Variants in ZMYM1 observed in about 807,000 individuals in gnomAD.
The protein encoded by ZMYM1 is zinc finger MYM-type containing 1, also known as zinc finger MYM-type protein 1.
ZMYM1 carries 39 observed loss-of-function variants against 60.0 expected under a neutral mutation model. The ratio of observed to expected loss-of-function variants is 0.65; its 90% CI spans 0.50 to 0.85. The LOEUF (loss-of-function observed/expected upper bound fraction) is 0.85. ZMYM1 is among the 40% of genes least tolerant of loss of function. The pLI is 0.00. For missense variants in ZMYM1, 1,171 were observed against 1,309.5 expected, an observed-to-expected ratio of 0.89 and a Z score of 1.63; for synonymous variants, 413 against 454.0, an observed-to-expected ratio of 0.91 and a Z score of 1.15.
intron 1 of ZMYM1, among the ~76,000 whole-genome samples, chr1:35,086,684 C>CT (rs926637860): frequency 3.3e-5 from 5 of 149,842 alleles, no homozygotes; most frequent in African/African-American, 7.4e-5. Context: ...TTAAAAAATT[C>CT]TTTTTTTTTC....
rs551060584 is a variant in ZMYM1, at chr1:35,070,581, T to G, written c.-300-8413T>G. 5.3e-5 allele frequency among the ~76,000 whole-genome samples: 8 copies of G among 152,292 alleles called. No individual in the cohort carries two copies. The East Asian group carries it at 1.3e-3, about 26-fold the overall frequency. On this transcript the variant is annotated intron_variant, in intron 1 of 10. Transcript: ENST00000417119. ...ACAATTTGACTTCCTCCTTTCCAAT[T>G]TAGATGTTTCTTATTCCTTTCATTT...
chr1:35,094,163 T>G (rs1643182384), intron 2 of ZMYM1, 80 bp downstream of exon 2: 6 of 1,274,150 alleles, frequency 4.7e-6, no homozygotes, highest in Non-Finnish European at 5.4e-6. Context: ...CTGAAATGAT[T>G]CATTGAAAAA....
chr1:35,069,228 C>T (rs942494619), intron 1 of ZMYM1, among the ~76,000 whole-genome samples: 2 of 152,082 alleles, frequency 1.3e-5, no homozygotes, highest in African/African-American at 4.8e-5. Context: ...GTAAGTGTTC[C>T]CTTTTCTCCA....
At chr1:35,109,098 C>T (rs1004764034) in intron 6 of ZMYM1, among the ~76,000 whole-genome samples, 2 of 152,108 alleles carry the variant, frequency 1.3e-5, no homozygotes, top group Non-Finnish European at 2.9e-5. Context: ...CGGCTCACTG[C>T]AACCTCTGTC....
At position 35,113,781 on chromosome 1, in the gene ZMYM1, A is replaced by G. The variant is rs771656236; in HGVS notation, c.1951A>G (p.Ile651Val). 60 of 1,613,938 alleles carry G rather than the reference A, an allele frequency of 3.7e-5. No homozygotes were observed. Among genetic ancestry groups the G allele is most frequent in the Non-Finnish European group, 5.0e-5 (59 of 1,179,886 alleles). The part of the protein sequence containing the change: ...SAFSIICDET[I>V]NSAMKEQLSI... ...ATTTTCAATCATATGTGATGAGACA[A>G]TCAATAGTGCCATGAAAGAACAGCT... is the stretch of plus-strand genomic sequence containing the variant. Residue 651 changes from isoleucine (I) to valine (V), a missense_variant, in exon 10 of 10, where the codon ATC becomes GTC. Physicochemically the swap from Ile to Val is conservative, Grantham distance 29. Transcript: ENST00000359858.
In ZMYM1 at chr1:35,113,811, A is replaced by G. The variant is rs752685689; in HGVS notation, c.1981A>G (p.Ile661Val). The G allele has an allele frequency of 8.1e-6, 13 of 1,613,838 alleles. No homozygotes were observed. Among genetic ancestry groups the G allele is most frequent in the East Asian group, 2.2e-5 (1 of 44,838 alleles). The change falls in exon 10 of 10, where the codon ATT becomes GTT. Residue 661 changes from isoleucine to valine, a missense_variant. Physicochemically the swap from Ile to Val is conservative, Grantham distance 29. Coordinates refer to ENST00000359858, the MANE Select transcript of ZMYM1 (RefSeq NM_024772.5). ...TAGTGCCATGAAAGAACAGCTTTCA[A>G]TTTGTGTAAGATACCCACAAAAATC... ...INSAMKEQLS[I>V]CVRYPQKSSK...
At position 35,104,734 on chromosome 1, in the gene ZMYM1, T is replaced by C. The variant is rs773486649; in HGVS notation, c.772T>C (p.Phe258Leu). 2 of 1,614,130 alleles carry C rather than the reference T, an allele frequency of 1.2e-6. No homozygotes were observed. Among genetic ancestry groups the C allele is most frequent in the Non-Finnish European group, 1.7e-6 (2 of 1,179,966 alleles). ...TCAGATGGAAGGACAGTCTCATTACTTTAATAGTTCAAAGAGTATTACAGC... is the reference window on the plus strand; with the variant it reads ...TCAGATGGAAGGACAGTCTCATTACCTTAATAGTTCAAAGAGTATTACAGC... ...ILQMEGQSHY[F>L]NSSKSITAYK... The change falls in exon 6 of 10, where the codon TTT (phenylalanine) becomes CTT (leucine). Residue 258 changes from phenylalanine to leucine, a missense_variant. Physicochemically the swap from Phe to Leu is conservative, Grantham distance 22. Transcript: ENST00000359858.
downstream of ZMYM1, among the ~76,000 whole-genome samples, chr1:35,116,649 G>C (rs913684619): frequency 4.0e-5 from 6 of 151,802 alleles, no homozygotes; most frequent in Non-Finnish European, 1.5e-5. Flanking sequence ...GTAGAGATGG[G>C]GTTTCACCAT....
chr1:35,104,828 G>A (rs1643833669), intron 6 of ZMYM1, 59 bp downstream of exon 6: 1 of 1,417,126 alleles, frequency 7.1e-7, no homozygotes, highest in Non-Finnish European at 9.8e-7. Flanking sequence ...TTTCACTCTA[G>A]GAAAATGTGG....
intron 1 of ZMYM1, among the ~76,000 whole-genome samples, chr1:35,061,820 T>TTTTTTTTTATTTATTTATTTA (rs372684642): frequency 6.9e-6 from 1 of 145,574 alleles, no homozygotes; most frequent in East Asian, 2.1e-4. Flanking sequence ...TCCCTTTTAT[T>TTTTTTTTTATTTATTTATTTA]TTTATTTATT....
chr1:35,065,222 C>T (rs1641953601), intron 1 of ZMYM1, among the ~76,000 whole-genome samples: 1 of 151,774 alleles, frequency 6.6e-6, no homozygotes, highest in African/African-American at 2.4e-5. Context: ...CCTCCTCCTC[C>T]ACAACCTACT....
intron 4 of ZMYM1, among the ~76,000 whole-genome samples, chr1:35,097,819 T>A (rs1643417982): frequency 6.6e-6 from 1 of 151,944 alleles, no homozygotes; most frequent in Non-Finnish European, 1.5e-5. Flanking sequence ...TAATTTTGTA[T>A]TTTTTAGTAG....
At chr1:35,091,126 A>G (rs1405537842) in intron 1 of ZMYM1, among the ~76,000 whole-genome samples, 1 of 152,172 alleles carries the variant, frequency 6.6e-6, no homozygotes, top group Non-Finnish European at 1.5e-5. Flanking sequence ...GTAATAAAAG[A>G]ATATAGTTTT....
intron 1 of ZMYM1, among the ~76,000 whole-genome samples, chr1:35,072,894 C>T (rs1035004635): frequency 5.3e-5 from 8 of 152,044 alleles, no homozygotes; most frequent in African/African-American, 1.7e-4. Context: ...CCAGCCTGGC[C>T]AATGTGGTGA....
At chr1:35,118,344 C>G (rs1225575400), downstream of ZMYM1, among the ~76,000 whole-genome samples, 1 of 151,770 alleles carries the variant, frequency 6.6e-6, no homozygotes, top group Non-Finnish European at 1.5e-5. Context: ...TATGAACTTT[C>G]CTCTAAAGTC....
chr1:35,077,829 C>T (rs779150628), upstream of ZMYM1, among the ~76,000 whole-genome samples: 2 of 152,166 alleles, frequency 1.3e-5, no homozygotes, highest in African/African-American at 4.8e-5. Context: ...TTCAGTCTCC[C>T]GCACAGCTGG....
At chr1:35,077,919 C>A (rs1039048777), upstream of ZMYM1, among the ~76,000 whole-genome samples, 1 of 152,192 alleles carries the variant, frequency 6.6e-6, no homozygotes, top group African/African-American at 2.4e-5. Flanking sequence ...GCAAGGTGAA[C>A]CCACGGGGCA....
Position 35,088,450 on chromosome 1 carries a change from ATATATG to A in ZMYM1, c.-74-5462_-74-5457del, listed in dbSNP as rs60901055. The stretch of plus-strand genomic sequence containing the variant: ...TGTTTATGTGTATATATATATATAT[ATATATG>A]TGTGTGTGTGTGTGTGTGTGTGTGT... On this transcript the variant is annotated intron_variant, in intron 1 of 9. Coordinates refer to ENST00000359858, the MANE Select transcript of ZMYM1 (RefSeq NM_024772.5). Among the ~76,000 whole-genome samples, 876 of 103,898 alleles carry A rather than the reference ATATATG, an allele frequency of 8.4e-3. 9 individuals are homozygous for A. Among genetic ancestry groups the A allele is most frequent in the African/African-American group, 0.035 (789 of 22,586 alleles). 68.2% of individuals were successfully genotyped at this position (103,898 alleles called of 152,430 possible).
At chr1:35,088,325 G>A (rs2148501678) in intron 1 of ZMYM1, among the ~76,000 whole-genome samples, 1 of 150,728 alleles carries the variant, frequency 6.6e-6, no homozygotes, top group African/African-American at 2.4e-5. Context: ...TGCTCAGGCA[G>A]GAGAATCGCT....
Sources: gnomAD v4.1 joint callset for allele counts (sites outside exome capture counted in the v4.1 genomes callset) on GRCh38, gnomAD v4.1.1 for gene constraint, MANE v1.5 for transcripts, NCBI Gene and HGNC (gene_info 2026-07-23, HGNC 2026-07-21) for gene names.